The following EPC1 variants were observed in gnomAD, a reference collection of about 807,000 sequenced individuals.
The protein encoded by EPC1 is enhancer of polycomb 1.
Under a neutral mutation model 98.4 loss-of-function variants are expected in EPC1, and 12 were observed. The ratio of observed to expected loss-of-function variants is 0.12; its 90% CI spans 0.08 to 0.20. The LOEUF (loss-of-function observed/expected upper bound fraction) is 0.20. Among genes scored for constraint, EPC1 ranks in the 10% least tolerant of loss-of-function variants. The pLI is 1.00. For synonymous variants in EPC1, 357 were observed against 363.9 expected (o/e 0.98, Z 0.21); for missense variants, 729 against 990.5 (o/e 0.74, Z 3.54).
intron 2 of EPC1, among the ~76,000 whole-genome samples, chr10:32,296,539 T>C (rs538570115): frequency 2.9e-4 from 44 of 152,310 alleles, no homozygotes; most frequent in Admixed American, 1.1e-3. Flanking sequence ...CCCTCTGACA[T>C]TAACAAGGAC....
chr10:32,279,917 A>C (rs879319289), intron 10 of EPC1, among the ~76,000 whole-genome samples: 7 of 152,136 alleles, frequency 4.6e-5, no homozygotes, highest in Non-Finnish European at 7.4e-5. Context: ...TTCCATATAC[A>C]CATACGGTCT....
intron 2 of EPC1, among the ~76,000 whole-genome samples, chr10:32,305,213 G>T (rs542003518): frequency 1.1e-4 from 16 of 152,340 alleles, no homozygotes; most frequent in African/African-American, 3.8e-4. Flanking sequence ...ACAGATTTGG[G>T]GTTGGCAAGC....
intron 1 of EPC1, among the ~76,000 whole-genome samples, chr10:32,375,028 C>T (rs1437186135): frequency 9.9e-5 from 15 of 152,076 alleles, no homozygotes; most frequent in Non-Finnish European, 2.2e-4. Flanking sequence ...AAAACAAAGT[C>T]ATAACACAAA....
intron 1 of EPC1, among the ~76,000 whole-genome samples, chr10:32,332,524 T>C (rs977808192): frequency 1.3e-5 from 2 of 152,184 alleles, no homozygotes; most frequent in African/African-American, 4.8e-5. Context: ...GTCTTACCAC[T>C]TGGTACACAC....
rs112083786 is a variant in EPC1, at chr10:32,338,482, A to G, written c.153+8281T>C. On this transcript the variant is annotated intron_variant, in intron 1 of 13. Transcript: ENST00000319778. ...CTTAAACTCGCTAATAGCTTACTTCATTTCAACACAGTCAAAACTTCTCAT... is the reference window on the plus strand; with the variant it reads ...CTTAAACTCGCTAATAGCTTACTTCGTTTCAACACAGTCAAAACTTCTCAT... Among the ~76,000 whole-genome samples the G allele has an allele frequency of 3.8e-3, 578 of 152,224 alleles. 2 individuals are homozygous for G. The highest frequency in any genetic ancestry group is 0.013 in the African/African-American group (542 of 41,532).
intron 6 of EPC1, among the ~76,000 whole-genome samples, chr10:32,290,505 A>AAAAAAAAAAAAAAAAAAAAAGAAAG (rs1554819136): frequency 3.9e-5 from 3 of 77,528 alleles, no homozygotes; most frequent in African/African-American, 1.1e-4. Flanking sequence ...AAAAAAAAAA[A>AAAAAAAAAAAAAAAAAAAAAGAAAG]AAAGAAAGAA....
chr10:32,376,781 A>G (rs369083373), intron 1 of EPC1, among the ~76,000 whole-genome samples: 1 of 152,138 alleles, frequency 6.6e-6, no homozygotes, highest in African/African-American at 2.4e-5. Flanking sequence ...AATTCTTGAA[A>G]TGTTCACTCT....
At chr10:32,337,533 G>A (rs546059074) in intron 1 of EPC1, among the ~76,000 whole-genome samples, 125 of 152,310 alleles carry the variant, frequency 8.2e-4, no homozygotes, top group African/African-American at 2.9e-3. Context: ...AACTGAAGGA[G>A]CTGCCACATC....
chr10:32,309,429 A>C (rs994054474), intron 1 of EPC1, among the ~76,000 whole-genome samples: 3 of 152,052 alleles, frequency 2.0e-5, no homozygotes, highest in Non-Finnish European at 4.4e-5. Flanking sequence ...CATAATAATA[A>C]AAAATTTAAA....
intron 1 of EPC1, among the ~76,000 whole-genome samples, chr10:32,333,963 C>G (rs937291499): frequency 6.6e-6 from 1 of 152,172 alleles, no homozygotes; most frequent in Non-Finnish European, 1.5e-5. Flanking sequence ...GAAAATGAAG[C>G]CTTCAGAGGC....
upstream of EPC1, among the ~76,000 whole-genome samples, chr10:32,349,007 A>T (rs1172886460): frequency 6.6e-6 from 1 of 152,244 alleles, no homozygotes; most frequent in East Asian, 1.9e-4. Flanking sequence ...AACGGTAGCG[A>T]CGTATCCACA....
At chr10:32,343,089 T>TTAA (rs1419468676) in intron 1 of EPC1, among the ~76,000 whole-genome samples, 2 of 151,642 alleles carry the variant, frequency 1.3e-5, no homozygotes, top group Non-Finnish European at 2.9e-5. Context: ...ACTTTTATCT[T>TTAA]TTTTTAAACC....
At chr10:32,284,559 T>C (rs1465035875) in intron 10 of EPC1, 139 bp downstream of exon 10, 3 of 660,298 alleles carry the variant, frequency 4.5e-6, no homozygotes, top group Non-Finnish European at 7.5e-6. Context: ...AATAAATACT[T>C]AGACCAAGAT....
At chr10:32,304,771 T>C (rs1429555383) in intron 2 of EPC1, among the ~76,000 whole-genome samples, 3 of 151,658 alleles carry the variant, frequency 2.0e-5, no homozygotes, top group Non-Finnish European at 4.4e-5. Context: ...AATACAAAAT[T>C]AGCTGGGCGT....
At chr10:32,295,684 T>C (rs952770124) in intron 2 of EPC1, among the ~76,000 whole-genome samples, 19 of 152,220 alleles carry the variant, frequency 1.2e-4, no homozygotes, top group Admixed American at 3.3e-4. Flanking sequence ...TTGTCTAATA[T>C]GGTAACCACT....
In EPC1 at chr10:32,268,431, A is replaced by C. The variant is rs1835682550; in HGVS notation, c.*632T>G. ...TAGTACATTCCCCATTTTTAAAAAA[A>C]CTGATGCCTTTTTTTTTTTTTTTTT... On this transcript the variant is annotated 3_prime_UTR_variant, in exon 14 of 14. Transcript: ENST00000319778. 1 of 125,210 alleles carries C rather than the reference A, an allele frequency of 8.0e-6. No homozygotes were observed. The highest frequency in any genetic ancestry group is 3.0e-5 in the African/African-American group (1 of 33,870). The allele number at this position is 125,210 out of a possible 1,614,324, so 7.8% of individuals were successfully genotyped here.
intron 1 of EPC1, among the ~76,000 whole-genome samples, chr10:32,368,075 G>A (rs573810654): frequency 5.2e-4 from 79 of 151,992 alleles, no homozygotes; most frequent in Non-Finnish European, 1.0e-3. Flanking sequence ...TCTTTACTCC[G>A]CCATCAAAAC....
chr10:32,273,008 A>T, intron 11 of EPC1, 155 bp downstream of exon 11: 1 of 1,610,884 alleles, frequency 6.2e-7, no homozygotes, highest in Non-Finnish European at 8.5e-7. Context: ...CAGCTTCCAT[A>T]CTCACCTGTA....
At chr10:32,325,344 C>A (rs977600069) in intron 1 of EPC1, among the ~76,000 whole-genome samples, 30 of 152,202 alleles carry the variant, frequency 2.0e-4, no homozygotes, top group African/African-American at 7.0e-4. Flanking sequence ...ATACCTCACC[C>A]CACAATGGAT....
Sources: gnomAD v4.1 joint callset for allele counts (sites outside exome capture counted in the v4.1 genomes callset) on GRCh38, gnomAD v4.1.1 for gene constraint, MANE v1.5 for transcripts, NCBI Gene and HGNC (gene_info 2026-07-23, HGNC 2026-07-21) for gene names.